The following PHF21B variants were observed in gnomAD, a reference collection of about 807,000 sequenced individuals.
PHF21B encodes PHD finger protein 4.
PHF21B carries 22 observed loss-of-function variants against 62.2 expected under a neutral mutation model. That is an observed-to-expected ratio of 0.35 (90% CI 0.25 to 0.51). The LOEUF (loss-of-function observed/expected upper bound fraction) is 0.51, where lower values mean the gene tolerates loss of function less well. Among genes scored for constraint, PHF21B ranks in the 20% least tolerant of loss-of-function variants. PHF21B has a pLI of 0.97. For missense variants in PHF21B, 701 were observed against 707.9 expected, an observed-to-expected ratio of 0.99 and a Z score of 0.11; for synonymous variants, 341 against 314.7, an observed-to-expected ratio of 1.08 and a Z score of -0.88.
intron 2 of PHF21B, among the ~76,000 whole-genome samples, chr22:44,999,749 G>A (rs1569284275): frequency 6.6e-6 from 1 of 152,000 alleles, no homozygotes; most frequent in Non-Finnish European, 1.5e-5. Flanking sequence ...TCCAGAACTG[G>A]ACCACGGCTT....
chr22:44,951,353 A>C (rs1055671342), intron 2 of PHF21B, among the ~76,000 whole-genome samples: 1 of 152,162 alleles, frequency 6.6e-6, no homozygotes, highest in African/African-American at 2.4e-5. Context: ...TGCTGCTGCT[A>C]ATCTGACAGG....
Position 45,009,143 on chromosome 22 carries a change from G to T in PHF21B, c.54+353C>A. 1 of 626,858 alleles carries T rather than the reference G, an allele frequency of 1.6e-6. No individual in the cohort carries two copies. The allele number at this position is 626,858 out of a possible 1,614,324, so 38.8% of individuals were successfully genotyped here. A position where few individuals can be genotyped will look rare whatever the true frequency, so the allele number is the denominator to read the frequency against. On this transcript the variant is annotated intron_variant, in intron 1 of 12. Coordinates refer to ENST00000313237, the MANE Select transcript of PHF21B (RefSeq NM_138415.5). This position sits in a 1 kb window ranked among gnomAD's most constrained non-coding sequence, Gnocchi z 5.9. ...TTCGCCCGGGGCGCGGGGGCCCGAG[G>T]GGAGGCCGGAAGGGGGCCTATTCGC...
At chr22:44,941,879 G>C (rs1014209193) in intron 2 of PHF21B, among the ~76,000 whole-genome samples, 2 of 152,210 alleles carry the variant, frequency 1.3e-5, no homozygotes, top group Non-Finnish European at 2.9e-5. Flanking sequence ...ACACAGCACT[G>C]AGTCAGAAGC....
At chr22:44,917,134 G>A (rs957389473) in intron 3 of PHF21B, among the ~76,000 whole-genome samples, 8 of 152,234 alleles carry the variant, frequency 5.3e-5, no homozygotes, top group African/African-American at 1.7e-4. Flanking sequence ...CTGAGCCCGC[G>A]TGACTGCGGC....
At position 45,008,571 on chromosome 22, in the gene PHF21B, G is replaced by A. The variant is rs2073368544; in HGVS notation, c.94C>T (p.Arg32Trp). ...LKKQLHERQP[R>W]IAALSDKQAL... ...TGTTTGTCGCTGAGCGCGGCGATCC[G>A]CGGCTGCCTTTCGTGGAGCTGCTTC... is the stretch of plus-strand genomic sequence containing the variant. Residue 32 changes from arginine to tryptophan, a missense_variant, in exon 2 of 13, where the codon CGG becomes TGG. Transcript: ENST00000313237. 6.3e-7 allele frequency: 1 copy of A among 1,589,518 alleles called. No homozygotes were observed. The highest frequency in any genetic ancestry group is 8.6e-7 in the Non-Finnish European group (1 of 1,168,742).
intron 2 of PHF21B, among the ~76,000 whole-genome samples, chr22:44,942,799 G>C (rs1431330087): frequency 2.0e-5 from 3 of 152,198 alleles, no homozygotes; most frequent in East Asian, 3.9e-4. Flanking sequence ...CGGGACGGGG[G>C]TGCAGGAGTT....
rs1410093187 is a variant in PHF21B at position 45,009,801 on chromosome 22, C to T, written c.-252G>A. The T allele has an allele frequency of 5.1e-6, 1 of 195,452 alleles. No individual in the cohort carries two copies. 12.1% of individuals were successfully genotyped at this position (195,452 alleles called of 1,614,324 possible). ...TGCCCGGCAAGTTGCGCCGGGTCCC[C>T]GGGCTGCCGGCGCGGCCCGGAGCAT... is the stretch of plus-strand genomic sequence containing the variant. On this transcript the variant is annotated 5_prime_UTR_variant, in exon 1 of 13. Coordinates refer to ENST00000313237, the MANE Select transcript of PHF21B (RefSeq NM_138415.5). The surrounding 1 kb of genome is among the most constrained non-coding windows in gnomAD (Gnocchi z 5.9).
At chr22:44,906,677 G>A (rs2071256189) in intron 5 of PHF21B, among the ~76,000 whole-genome samples, 1 of 152,246 alleles carries the variant, frequency 6.6e-6, no homozygotes, top group African/African-American at 2.4e-5. Context: ...GGTTCTGTCT[G>A]AAGTTAGCAT....
intron 2 of PHF21B, among the ~76,000 whole-genome samples, chr22:44,949,318 A>AAAAAAAAAAAAAAG (rs1569248310): frequency 6.9e-6 from 1 of 144,792 alleles, no homozygotes; most frequent in African/African-American, 2.7e-5. Context: ...AAGAAAAAAA[A>AAAAAAAAAAAAAAG]AAAAAAAGAA....
chr22:45,009,443 C>T lies in PHF21B; in HGVS notation c.54+53G>A. ...GATGCTGGGCTCGGGTCCCCCGACC[C>T]CCTCACCCCGCAACACACTCCCCGG... On this transcript the variant is annotated intron_variant, in intron 1 of 12. Transcript: ENST00000313237. The surrounding 1 kb of genome is among the most constrained non-coding windows in gnomAD (Gnocchi z 5.9). 1.3e-6 allele frequency: 2 copies of T among 1,489,110 alleles called. No individual in the cohort carries two copies. The highest frequency in any genetic ancestry group is 1.8e-6 in the Non-Finnish European group (2 of 1,117,606). The allele number at this position is 1,489,110 out of a possible 1,614,324, so 92.2% of individuals were successfully genotyped here.
intron 2 of PHF21B, among the ~76,000 whole-genome samples, chr22:44,926,779 C>T (rs1443966201): frequency 6.6e-6 from 1 of 152,054 alleles, no homozygotes; most frequent in Non-Finnish European, 1.5e-5. Context: ...GCCATGTATC[C>T]GTGTCCGGGT....
At chr22:44,976,249 T>C (rs1003891946) in intron 2 of PHF21B, among the ~76,000 whole-genome samples, 5 of 152,254 alleles carry the variant, frequency 3.3e-5, no homozygotes, top group African/African-American at 7.2e-5. Flanking sequence ...CATGTACATA[T>C]TGTGTAATCA....
chr22:44,922,642 GA>G (rs959017704), intron 2 of PHF21B, among the ~76,000 whole-genome samples: 21 of 146,858 alleles, frequency 1.4e-4, no homozygotes, highest in Middle Eastern at 3.5e-3. Flanking sequence ...CAAAAAAAAA[GA>G]AAAAAAAAAT....
rs1374438555 is a variant in PHF21B at position 44,994,698 on chromosome 22, C to G, written c.120+13847G>C. Among the ~76,000 whole-genome samples the G allele has an allele frequency of 3.9e-5, 6 of 152,210 alleles. No individual in the cohort carries two copies. In the East Asian group the frequency reaches 9.6e-4, roughly 24 times the overall value. On this transcript the variant is annotated intron_variant, in intron 2 of 12. Transcript: ENST00000313237. ...GCTGAGCCCAGCTGGACTGGGCAGC[C>G]TGGCCCAGTGCTTCAGACCTACTTT...
chr22:44,958,628 T>TG (rs1291276575), intron 2 of PHF21B, among the ~76,000 whole-genome samples: 1 of 96,828 alleles, frequency 1.0e-5, no homozygotes, highest in Non-Finnish European at 2.0e-5. Context: ...TTTTTTGAGA[T>TG]GGAGTCTTAC....
Position 45,009,432 on chromosome 22 carries a change from G to C in PHF21B, c.54+64C>G. The C allele has an allele frequency of 6.9e-7, 1 of 1,451,666 alleles. No homozygotes were observed. The highest frequency in any genetic ancestry group is 9.2e-7 in the Non-Finnish European group (1 of 1,091,198). The allele number at this position is 1,451,666 out of a possible 1,614,324, so 89.9% of individuals were successfully genotyped here. On this transcript the variant is annotated intron_variant, in intron 1 of 12. Transcript: ENST00000313237. This position sits in a 1 kb window ranked among gnomAD's most constrained non-coding sequence, Gnocchi z 5.9. ...CCGGAAGAGAGGATGCTGGGCTCGGGTCCCCCGACCCCCTCACCCCGCAAC... is the reference window on the plus strand; with the variant it reads ...CCGGAAGAGAGGATGCTGGGCTCGGCTCCCCCGACCCCCTCACCCCGCAAC...
intron 5 of PHF21B, among the ~76,000 whole-genome samples, chr22:44,897,314 C>A (rs556400515): frequency 6.6e-6 from 1 of 152,180 alleles, no homozygotes; most frequent in Non-Finnish European, 1.5e-5. Flanking sequence ...TGCGGTGTAG[C>A]CACCCCGTAT....
chr22:44,935,494 G>C (rs946987911), intron 2 of PHF21B, among the ~76,000 whole-genome samples: 1 of 152,098 alleles, frequency 6.6e-6, no homozygotes, highest in Non-Finnish European at 1.5e-5. Context: ...GGCGCCTGTA[G>C]TCCCAGCTGC....
intron 2 of PHF21B, among the ~76,000 whole-genome samples, chr22:44,939,448 G>A (rs536789895): frequency 8.3e-4 from 127 of 152,214 alleles, no homozygotes; most frequent in Non-Finnish European, 1.5e-3. Flanking sequence ...GAAGCACTGC[G>A]CACTGAGCAA....
Sources: gnomAD v4.1 joint callset for allele counts (sites outside exome capture counted in the v4.1 genomes callset) on GRCh38, gnomAD v4.1.1 for gene constraint, Gnocchi (gnomAD v3.1) non-coding constraint, MANE v1.5 for transcripts, NCBI Gene and HGNC (gene_info 2026-07-23, HGNC 2026-07-21) for gene names.